HPSE2: variants seen among roughly 807,000 people sequenced by gnomAD.
HPSE2 encodes inactive heparanase-2.
In HPSE2, 38 loss-of-function variants were observed where a neutral mutation model predicts 60.5. That is an observed-to-expected ratio of 0.63 (90% CI 0.48 to 0.82). The LOEUF (loss-of-function observed/expected upper bound fraction) is 0.82. HPSE2 is among the 40% of genes least tolerant of loss of function. HPSE2 has a pLI of 0.00. For missense variants in HPSE2, 713 were observed against 740.4 expected (o/e 0.96, Z 0.43); for synonymous variants, 295 against 293.2 (o/e 1.01, Z -0.06).
intron 9 of HPSE2, among the ~76,000 whole-genome samples, chr10:98,509,418 G>A (rs182025799): frequency 6.8e-4 from 104 of 152,302 alleles, no homozygotes; most frequent in Non-Finnish European, 1.3e-3. Context: ...GAGAGGTTTG[G>A]GAGATATTTA....
intron 3 of HPSE2, among the ~76,000 whole-genome samples, chr10:98,806,149 A>C (rs1459446564): frequency 6.6e-6 from 1 of 152,228 alleles, no homozygotes; most frequent in Non-Finnish European, 1.5e-5. Context: ...CCTGGCGCAT[A>C]CATCAGGACA....
chr10:98,595,724 A>G (rs554033624), intron 9 of HPSE2, among the ~76,000 whole-genome samples: 1 of 152,220 alleles, frequency 6.6e-6, no homozygotes, highest in Non-Finnish European at 1.5e-5. Flanking sequence ...CCTGGCTAGG[A>G]CTTCCAATAC....
chr10:98,909,113 C>T (rs780156271), intron 3 of HPSE2, among the ~76,000 whole-genome samples: 1 of 152,124 alleles, frequency 6.6e-6, no homozygotes, highest in Non-Finnish European at 1.5e-5. Context: ...ACAGAAATAT[C>T]CTGGGTTCCT....
chr10:99,121,553 TAA>T (rs995629722), intron 3 of HPSE2, among the ~76,000 whole-genome samples: 20 of 150,976 alleles, frequency 1.3e-4, no homozygotes, highest in African/African-American at 3.6e-4. Flanking sequence ...ATAAAGAATG[TAA>T]AAAGACAGTT....
At chr10:99,002,828 A>G (rs2135378007) in intron 3 of HPSE2, among the ~76,000 whole-genome samples, 2 of 152,266 alleles carry the variant, frequency 1.3e-5, no homozygotes, top group Non-Finnish European at 2.9e-5. Context: ...ATATGTATAC[A>G]TGGTGGAATG....
At chr10:99,100,167 G>A (rs1468763223) in intron 3 of HPSE2, among the ~76,000 whole-genome samples, 6 of 152,158 alleles carry the variant, frequency 3.9e-5, no homozygotes, top group Non-Finnish European at 2.9e-5. Flanking sequence ...GTTGAGAGAA[G>A]AAGGCTTCAG....
chr10:98,998,575 A>G (rs910865066), intron 3 of HPSE2, among the ~76,000 whole-genome samples: 5 of 152,214 alleles, frequency 3.3e-5, no homozygotes, highest in Non-Finnish European at 7.3e-5. Context: ...TTTAGTTCCA[A>G]ACTTTTCTGG....
chr10:98,910,464 A>G (rs1208408280), intron 3 of HPSE2, among the ~76,000 whole-genome samples: 1 of 152,218 alleles, frequency 6.6e-6, no homozygotes, highest in Non-Finnish European at 1.5e-5. Context: ...TGATGGTTAC[A>G]TGGTTTCATT....
intron 3 of HPSE2, among the ~76,000 whole-genome samples, chr10:98,898,552 T>C (rs943642301): frequency 6.6e-6 from 1 of 152,102 alleles, no homozygotes; most frequent in Non-Finnish European, 1.5e-5. Context: ...AAAAGATCAG[T>C]GTTTCTAGGG....
At chr10:98,881,817 C>T (rs377232077) in intron 3 of HPSE2, among the ~76,000 whole-genome samples, 3 of 152,076 alleles carry the variant, frequency 2.0e-5, no homozygotes, top group African/African-American at 7.2e-5. Context: ...CTCTTGAGTG[C>T]TTATACTAGT....
chr10:98,991,424 C>A (rs1303010136), intron 3 of HPSE2, among the ~76,000 whole-genome samples: 1 of 152,102 alleles, frequency 6.6e-6, no homozygotes, highest in Non-Finnish European at 1.5e-5. Context: ...CTAGAGCATG[C>A]TCTGTATTTT....
the HPSE2 span, among the ~76,000 whole-genome samples, chr10:99,314,743 AT>A: frequency 6.6e-6 from 1 of 152,216 alleles, no homozygotes; most frequent in Non-Finnish European, 1.5e-5. Flanking sequence ...TTATTTTTAA[AT>A]ATAAGCTCTG....
rs146490470 is a variant in HPSE2, at chr10:98,584,176, AG to A, written c.1320+30727del. ...CATCTTAATAGAAGTCTTTGAAAGT[AG>A]GGGGTAAAAAGAGTGTGAAGGGAGT... On this transcript the variant is annotated intron_variant, in intron 9 of 11. Coordinates refer to ENST00000370552, the MANE Select transcript of HPSE2 (RefSeq NM_021828.5). Among the ~76,000 whole-genome samples the A allele has an allele frequency of 6.6e-4, 100 of 152,304 alleles. 1 individual carries two copies. In the East Asian group the frequency reaches 0.018, roughly 27 times the overall value.
At chr10:99,277,594 C>T in the HPSE2 span, among the ~76,000 whole-genome samples, 1 of 152,156 alleles carries the variant, frequency 6.6e-6, no homozygotes, top group Non-Finnish European at 1.5e-5. Flanking sequence ...CCCCTCCCGA[C>T]CCTCCATGTT....
At chr10:99,073,888 T>A (rs939746127) in intron 3 of HPSE2, among the ~76,000 whole-genome samples, 29 of 152,038 alleles carry the variant, frequency 1.9e-4, no homozygotes, top group African/African-American at 6.8e-4. Context: ...GACTTTTATA[T>A]GTTGATTTTG....
intron 3 of HPSE2, among the ~76,000 whole-genome samples, chr10:99,076,734 G>C (rs1452905407): frequency 2.0e-5 from 3 of 152,258 alleles, no homozygotes; most frequent in Middle Eastern, 3.4e-3. Flanking sequence ...AGAGTTAAAA[G>C]TGACTTACCT....
chr10:99,016,295 T>C (rs1957139943), intron 3 of HPSE2, among the ~76,000 whole-genome samples: 1 of 152,198 alleles, frequency 6.6e-6, no homozygotes. Context: ...AGGGAATCCT[T>C]TCCCCATTGC....
chr10:99,258,001 C>T, the HPSE2 span, among the ~76,000 whole-genome samples: 4 of 152,008 alleles, frequency 2.6e-5, no homozygotes, highest in South Asian at 2.1e-4. Flanking sequence ...ATTAGCTGGG[C>T]GTGGTGGCGT....
At chr10:99,002,175 C>T (rs932886952) in intron 3 of HPSE2, among the ~76,000 whole-genome samples, 2 of 151,992 alleles carry the variant, frequency 1.3e-5, no homozygotes, top group Non-Finnish European at 2.9e-5. Flanking sequence ...AATATTATAA[C>T]CCAAAATATA....
Sources: allele counts gnomAD v4.1 joint callset (sites outside exome capture counted in the v4.1 genomes callset), GRCh38; gene constraint gnomAD v4.1.1; transcripts MANE v1.5; gene names NCBI Gene and HGNC (gene_info 2026-07-23, HGNC 2026-07-21).